The following ARID5B variants were observed in gnomAD, a reference collection of about 807,000 sequenced individuals.
ARID5B encodes the protein AT-rich interaction domain 5B.
A neutral mutation model predicts 97.2 loss-of-function variants in ARID5B; 13 were observed. That is an observed-to-expected ratio of 0.13 (90% confidence interval 0.09 to 0.21). The LOEUF (loss-of-function observed/expected upper bound fraction) is 0.21, where lower values mean the gene tolerates loss of function less well. Among genes scored for constraint, ARID5B ranks in the 10% least tolerant of loss-of-function variants. The pLI, the probability that ARID5B is intolerant of heterozygous loss-of-function variation, is 1.00. For missense variants in ARID5B, 1,210 were observed against 1,465.3 expected (o/e 0.83, Z 2.84); for synonymous variants, 556 against 570.3 (o/e 0.97, Z 0.36).
chr10:61,904,679 G>A (rs1282106381), intron 2 of ARID5B, among the ~76,000 whole-genome samples: 1 of 152,146 alleles, frequency 6.6e-6, no homozygotes, highest in East Asian at 1.9e-4. Context: ...TGCTAACACG[G>A]CTGGTAATTA....
At chr10:61,998,328 T>C (rs1839029886) in intron 3 of ARID5B, among the ~76,000 whole-genome samples, 1 of 152,240 alleles carries the variant, frequency 6.6e-6, no homozygotes, top group African/African-American at 2.4e-5. Context: ...AACTGTCTAG[T>C]GCAATTCCCT....
intron 2 of ARID5B, among the ~76,000 whole-genome samples, chr10:61,905,621 T>A (rs1220391031): frequency 1.3e-5 from 2 of 152,134 alleles, no homozygotes; most frequent in African/African-American, 2.4e-5. Flanking sequence ...AAGGTTATCT[T>A]TTCTCCCCAG....
intron 3 of ARID5B, among the ~76,000 whole-genome samples, chr10:61,969,174 G>A (rs191103665): frequency 2.0e-5 from 3 of 152,042 alleles, no homozygotes; most frequent in Non-Finnish European, 4.4e-5. Flanking sequence ...CAAATAAAGT[G>A]CTTTGTTTTG....
chr10:62,061,650 CA>C (rs975227009), intron 7 of ARID5B, among the ~76,000 whole-genome samples: 1 of 152,184 alleles, frequency 6.6e-6, no homozygotes, highest in African/African-American at 2.4e-5. Flanking sequence ...GCCAGTTCCC[CA>C]TCTCTGGTGA....
chr10:61,958,526 G>A (rs547549463), intron 3 of ARID5B, among the ~76,000 whole-genome samples: 5 of 152,130 alleles, frequency 3.3e-5, no homozygotes, highest in Non-Finnish European at 5.9e-5. Context: ...GCGCCCGGCC[G>A]TGACCTCTTT....
At chr10:62,015,960 C>T (rs554633042) in intron 4 of ARID5B, among the ~76,000 whole-genome samples, 58 of 152,304 alleles carry the variant, frequency 3.8e-4, no homozygotes, top group Admixed American at 1.9e-3. Context: ...TCACTTCAGC[C>T]TTATCTGGCA....
At chr10:62,072,084 C>A (rs569965919) in intron 8 of ARID5B, among the ~76,000 whole-genome samples, 139 of 152,274 alleles carry the variant, frequency 9.1e-4, no homozygotes, top group Non-Finnish European at 1.8e-3. Flanking sequence ...TTGGTTGTCA[C>A]CACCCAGAAG....
chr10:62,052,585 T>C, intron 5 of ARID5B, among the ~76,000 whole-genome samples: 1 of 152,204 alleles, frequency 6.6e-6, no homozygotes, highest in Non-Finnish European at 1.5e-5. Flanking sequence ...TTTACAGAAC[T>C]CATACAATTG....
chr10:61,991,211 A>G (rs1838920809), intron 3 of ARID5B, among the ~76,000 whole-genome samples: 1 of 152,232 alleles, frequency 6.6e-6, no homozygotes, highest in South Asian at 2.1e-4. Context: ...TTTGGAGTAT[A>G]TACCTAGGAG....
chr10:62,013,794 GTATATA>G (rs60930079), intron 4 of ARID5B, among the ~76,000 whole-genome samples: 1 of 138,952 alleles, frequency 7.2e-6, no homozygotes, highest in African/African-American at 2.6e-5. Flanking sequence ...ATTCCATTGG[GTATATA>G]TATATATATA....
At chr10:61,940,056 G>A in intron 2 of ARID5B, 127 bp from the exon 3 acceptor site, 1 of 729,032 alleles carries the variant, frequency 1.4e-6, no homozygotes. Context: ...TCACCAGAAT[G>A]CACACAGTCT....
chr10:62,094,914 T>A lies in ARID5B; in HGVS notation c.*1884T>A. The A allele has an allele frequency of 4.3e-6, 1 of 231,108 alleles. No homozygotes were observed. Among genetic ancestry groups the A allele is most frequent in the Non-Finnish European group, 8.6e-6 (1 of 116,488 alleles). The allele number at this position is 231,108 out of a possible 1,614,324, so 14.3% of individuals were successfully genotyped here. ...TCGACTGCAAAATAATCAAAACTGA[T>A]AACAATGAAACTGCGGCTCTTAAAC... On this transcript the variant is annotated 3_prime_UTR_variant, in exon 10 of 10. Coordinates refer to ENST00000279873, the MANE Select transcript of ARID5B (RefSeq NM_032199.3).
chr10:62,051,412 G>T (rs1246896252), intron 5 of ARID5B, among the ~76,000 whole-genome samples: 1 of 152,118 alleles, frequency 6.6e-6, no homozygotes, highest in African/African-American at 2.4e-5. Flanking sequence ...ATTAACAGAG[G>T]ATGAAATTAG....
At chr10:61,953,969 G>A (rs1838357417) in intron 3 of ARID5B, among the ~76,000 whole-genome samples, 1 of 152,204 alleles carries the variant, frequency 6.6e-6, no homozygotes, top group African/African-American at 2.4e-5. Flanking sequence ...AAACACTTGA[G>A]TTATCTATTA....
intron 3 of ARID5B, among the ~76,000 whole-genome samples, chr10:61,971,579 A>G (rs1838627721): frequency 6.6e-6 from 1 of 152,256 alleles, no homozygotes; most frequent in African/African-American, 2.4e-5. Context: ...CATGGTGGAT[A>G]CATGACATTT....
chr10:62,094,616 T>A lies in ARID5B; in HGVS notation c.*1586T>A, dbSNP rs1437932237. 4.8e-5 allele frequency: 11 copies of A among 231,030 alleles called. No individual in the cohort carries two copies. Among genetic ancestry groups the A allele is most frequent in the Admixed American group, 4.5e-4 (8 of 17,686 alleles). The allele number at this position is 231,030 out of a possible 1,614,324, so 14.3% of individuals were successfully genotyped here. A position where few individuals can be genotyped will look rare whatever the true frequency, so the allele number is the denominator to read the frequency against. On this transcript the variant is annotated 3_prime_UTR_variant, in exon 10 of 10. Coordinates refer to ENST00000279873, the MANE Select transcript of ARID5B (RefSeq NM_032199.3). ...AGATGTGGAGAATGTCCGTTGTCAT[T>A]CTTGCCACTGTATTCCATTTGCTAC...
At chr10:61,919,166 A>C (rs1589218758) in intron 2 of ARID5B, among the ~76,000 whole-genome samples, 3 of 151,928 alleles carry the variant, frequency 2.0e-5, no homozygotes, top group Middle Eastern at 6.8e-3. Flanking sequence ...TGTTTGATCT[A>C]AGTGCCCCAC....
chr10:61,928,088 G>A (rs1454234257), intron 2 of ARID5B, among the ~76,000 whole-genome samples: 1 of 152,072 alleles, frequency 6.6e-6, no homozygotes, highest in Non-Finnish European at 1.5e-5. Flanking sequence ...CAGGCTGGTG[G>A]CATCCCTTTA....
Position 62,091,987 on chromosome 10 carries a change from A to G in ARID5B, c.2524A>G (p.Arg842Gly). 1.9e-6 allele frequency: 3 copies of G among 1,614,004 alleles called. No homozygotes were observed. The highest frequency in any genetic ancestry group is 2.5e-6 in the Non-Finnish European group (3 of 1,179,982). Residue 842 changes from arginine (R) to glycine (G), a missense_variant, in exon 10 of 10, where the codon AGA (arginine) becomes GGA (glycine). By Grantham distance (125) the Arg-to-Gly change is moderately radical. This residue lies in a region of ARID5B where 800 missense variants were observed against 839.1 expected (regional missense o/e 0.95). Transcript: ENST00000279873. ...GTCCCCTCATCTCCATAGCCTCTAC[A>G]GACACACCGAGCACCATCTTCATAA... is the stretch of plus-strand genomic sequence containing the variant. ...YSSPHLHSLYRHTEHHLHNEQ... is the reference protein window; with the variant it reads ...YSSPHLHSLYGHTEHHLHNEQ...
Sources: gnomAD v4.1 joint callset for allele counts (sites outside exome capture counted in the v4.1 genomes callset) on GRCh38, gnomAD v4.1.1 for gene constraint, gnomAD v4.1.1 regional missense constraint, MANE v1.5 for transcripts, NCBI Gene and HGNC (gene_info 2026-07-23, HGNC 2026-07-21) for gene names.